PIP5K1B: variants seen among roughly 807,000 people sequenced by gnomAD.
PIP5K1B encodes the protein phosphatidylinositol 4-phosphate 5-kinase type-1 beta.
Under a neutral mutation model 67.0 loss-of-function variants are expected in PIP5K1B, and 42 were observed. That is an observed-to-expected ratio of 0.63 (90% CI 0.49 to 0.81). PIP5K1B has a LOEUF of 0.81. PIP5K1B is among the 30% of genes least tolerant of loss of function. PIP5K1B has a pLI of 0.00. For missense variants in PIP5K1B, 459 were observed against 646.3 expected, an observed-to-expected ratio of 0.71 and a Z score of 3.14; for synonymous variants, 214 against 231.4, an observed-to-expected ratio of 0.92 and a Z score of 0.68.
intron 2 of PIP5K1B, among the ~76,000 whole-genome samples, chr9:68,761,701 C>T (rs1830192899): frequency 6.6e-6 from 1 of 152,114 alleles, no homozygotes; most frequent in Non-Finnish European, 1.5e-5. Context: ...TTAAGTCTTT[C>T]TCACATCATA....
At chr9:68,715,989 A>G (rs1827617949) in intron 1 of PIP5K1B, among the ~76,000 whole-genome samples, 1 of 152,182 alleles carries the variant, frequency 6.6e-6, no homozygotes, top group Non-Finnish European at 1.5e-5. Flanking sequence ...GGGGAGGTGA[A>G]TTGGCTAGCT....
At chr9:68,817,411 A>G (rs1201808197) in intron 2 of PIP5K1B, among the ~76,000 whole-genome samples, 2 of 152,240 alleles carry the variant, frequency 1.3e-5, no homozygotes, top group African/African-American at 4.8e-5. Flanking sequence ...AAGTACTAGA[A>G]CATTAAAGAT....
chr9:68,893,197 A>C (rs185326606), intron 7 of PIP5K1B, among the ~76,000 whole-genome samples: 1 of 152,308 alleles, frequency 6.6e-6, no homozygotes, highest in Non-Finnish European at 1.5e-5. Context: ...TGGTTTTCTC[A>C]AATGTTGAGA....
intron 6 of PIP5K1B, among the ~76,000 whole-genome samples, chr9:68,883,480 T>C (rs1383108118): frequency 6.6e-6 from 1 of 152,192 alleles, no homozygotes; most frequent in African/African-American, 2.4e-5. Context: ...ACTTGCTTCT[T>C]TCTTTTCTGG....
At chr9:68,944,790 T>C (rs768656887) in intron 14 of PIP5K1B, among the ~76,000 whole-genome samples, 3 of 152,184 alleles carry the variant, frequency 2.0e-5, no homozygotes, top group Non-Finnish European at 2.9e-5. Context: ...TCCCCACAAA[T>C]TGCTTACCAC....
intron 1 of PIP5K1B, among the ~76,000 whole-genome samples, chr9:68,740,822 A>G (rs1828969139): frequency 6.6e-6 from 1 of 152,220 alleles, no homozygotes; most frequent in Non-Finnish European, 1.5e-5. Context: ...GGCACAGACC[A>G]TAAATGTCAC....
At chr9:68,736,944 T>C (rs1295662387) in intron 1 of PIP5K1B, among the ~76,000 whole-genome samples, 1 of 152,236 alleles carries the variant, frequency 6.6e-6, no homozygotes, top group Non-Finnish European at 1.5e-5. Context: ...TACTTAACCA[T>C]TCCCATTGTT....
chr9:68,782,041 T>C (rs1831319739), intron 2 of PIP5K1B: 1 of 167,102 alleles, frequency 6.0e-6, no homozygotes, highest in Non-Finnish European at 1.5e-5. Context: ...ACTTTTCTGC[T>C]CTGCCCATCT....
At chr9:68,992,259 G>C (rs1830414315) in intron 15 of PIP5K1B, among the ~76,000 whole-genome samples, 1 of 152,116 alleles carries the variant, frequency 6.6e-6, no homozygotes. Context: ...ACTGCACCCG[G>C]CCTACCTGCA....
chr9:68,952,634 G>T (rs1029904134), intron 14 of PIP5K1B, among the ~76,000 whole-genome samples: 1 of 151,964 alleles, frequency 6.6e-6, no homozygotes, highest in African/African-American at 2.4e-5. Flanking sequence ...TTGATTGATA[G>T]ATTAACTAGT....
intron 2 of PIP5K1B, among the ~76,000 whole-genome samples, chr9:68,747,545 A>G (rs1829380906): frequency 6.6e-6 from 1 of 152,140 alleles, no homozygotes; most frequent in Non-Finnish European, 1.5e-5. Flanking sequence ...CTCTGTTATA[A>G]GGAAATGCAA....
intron 4 of PIP5K1B, chr9:68,823,978 T>G (rs771333037): frequency 1.2e-4 from 50 of 418,848 alleles, no homozygotes; most frequent in Non-Finnish European, 2.1e-4. Context: ...TCATTCAAAG[T>G]GATGGTGTGG....
intron 2 of PIP5K1B, among the ~76,000 whole-genome samples, chr9:68,743,905 C>G (rs1465398719): frequency 1.3e-5 from 2 of 152,080 alleles, no homozygotes; most frequent in Admixed American, 1.3e-4. Context: ...ATGAATGTAC[C>G]GGGAATCCTG....
At chr9:68,918,697 AT>A (rs1438260686) in intron 9 of PIP5K1B, among the ~76,000 whole-genome samples, 2 of 152,242 alleles carry the variant, frequency 1.3e-5, no homozygotes, top group Non-Finnish European at 2.9e-5. Flanking sequence ...GCCTTCTAGA[AT>A]TCTCCAACGA....
At chr9:68,837,733 A>C (rs1452400069) in intron 4 of PIP5K1B, among the ~76,000 whole-genome samples, 1 of 151,174 alleles carries the variant, frequency 6.6e-6, no homozygotes, top group East Asian at 1.9e-4. Context: ...AATTTTAATA[A>C]TTTGTAATGC....
At chr9:68,821,881 C>A (rs1278438168) in intron 3 of PIP5K1B, among the ~76,000 whole-genome samples, 1 of 151,954 alleles carries the variant, frequency 6.6e-6, no homozygotes, top group East Asian at 1.9e-4. Context: ...GTATATCTTG[C>A]AACTAGAAAA....
In PIP5K1B at chr9:68,925,126, A is replaced by AT. The variant is rs1366852367; in HGVS notation, c.1201+1751dup. On this transcript the variant is annotated intron_variant, in intron 12 of 15. Coordinates refer to ENST00000265382, the MANE Select transcript of PIP5K1B (RefSeq NM_003558.4). ...AATTGTATGAGTGTGACGTAATCTAATTTTTTTTTTTGCCAGAATCTATTT... is the reference window on the plus strand; with the variant it reads ...AATTGTATGAGTGTGACGTAATCTAATTTTTTTTTTTTGCCAGAATCTATTT... 5.6e-3 allele frequency among the ~76,000 whole-genome samples: 838 copies of AT among 149,078 alleles called. 9 individuals are homozygous for AT. Among genetic ancestry groups the AT allele is most frequent in the African/African-American group, 0.018 (751 of 40,982 alleles).
At chr9:68,777,599 T>G (rs1306252635) in intron 2 of PIP5K1B, among the ~76,000 whole-genome samples, 1 of 152,118 alleles carries the variant, frequency 6.6e-6, no homozygotes. Flanking sequence ...AGGACAAGGG[T>G]AGAAACTGGG....
chr9:68,900,356 G>A (rs1218849028), intron 8 of PIP5K1B, among the ~76,000 whole-genome samples: 1 of 152,128 alleles, frequency 6.6e-6, no homozygotes, highest in African/African-American at 2.4e-5. Context: ...TATACACTCA[G>A]TACATGTTGC....
Sources: gnomAD v4.1 joint callset for allele counts (sites outside exome capture counted in the v4.1 genomes callset) on GRCh38, gnomAD v4.1.1 for gene constraint, MANE v1.5 for transcripts, NCBI Gene and HGNC (gene_info 2026-07-23, HGNC 2026-07-21) for gene names.